The following CLASRP variants were observed in gnomAD, a reference collection of about 807,000 sequenced individuals.
The protein encoded by CLASRP is CLK4-associating serine/arginine rich protein.
Under a neutral mutation model 99.9 loss-of-function variants are expected in CLASRP, and 52 were observed. The observed-to-expected ratio is 0.52, with a 90% CI of 0.42 to 0.66. The LOEUF is 0.66. Ranked by LOEUF, CLASRP falls within the 30% of genes least tolerant of loss-of-function variation. The probability of loss-of-function intolerance (pLI) is 0.00; values close to 1 mark genes in which losing one functional copy is unlikely to be tolerated. For synonymous variants in CLASRP, 379 were observed against 373.0 expected (o/e 1.02, Z -0.18); for missense variants, 848 against 999.2 (o/e 0.85, Z 2.04).
In CLASRP at chr19:45,064,623, A is replaced by C. The variant is rs546798619; in HGVS notation, c.1402A>C (p.Arg468=). ...GCGTGGTGGTTACGGGCCCCGGCGC[A>C]GAAGCAGGTGTGTGTGGCTGGGCGT... ...ARRGGYGPRR[R]SRSRSHSGDR... Residue 468 remains arginine (R), a synonymous_variant, in exon 13 of 21, where the codon AGA becomes CGA. Transcript: ENST00000221455. The C allele has an allele frequency of 8.4e-6, 13 of 1,551,992 alleles. No homozygotes were observed. In the Middle Eastern group the frequency reaches 1.4e-3, roughly 163 times the overall value.
At chr19:45,052,681 G>C (rs945182039) in intron 3 of CLASRP, 110 bp from the exon 4 acceptor site, 1 of 754,610 alleles carries the variant, frequency 1.3e-6, no homozygotes. Flanking sequence ...GGGGACCAAA[G>C]CAGGCTGAGG....
chr19:45,040,437 A>G, intron 2 of CLASRP, 126 bp downstream of exon 2: 1 of 632,154 alleles, frequency 1.6e-6, no homozygotes, highest in South Asian at 1.8e-5. Context: ...GAGTATATTC[A>G]TTAATCTTTT....
Position 45,060,261 on chromosome 19 carries a change from G to T in CLASRP, c.711-128G>T. 1 of 755,630 alleles carries T rather than the reference G, an allele frequency of 1.3e-6. No individual in the cohort carries two copies. The highest frequency in any genetic ancestry group is 2.7e-5 in the East Asian group (1 of 37,588). 46.8% of individuals were successfully genotyped at this position (755,630 alleles called of 1,614,324 possible). A position where few individuals can be genotyped will look rare whatever the true frequency, so the allele number is the denominator to read the frequency against. ...CAGAGGGTGCTTGATAAGTGGCATT[G>T]AATGAAAGATACCTCAGGCTGGCGT... On this transcript the variant is annotated intron_variant, in intron 8 of 20. Coordinates refer to ENST00000221455, the MANE Select transcript of CLASRP (RefSeq NM_007056.3). The surrounding 1 kb of genome is among the most constrained non-coding windows in gnomAD (Gnocchi z 4.6).
Position 45,067,705 on chromosome 19 carries a change from G to T in CLASRP, c.1667+111G>T, listed in dbSNP as rs1967125356. The T allele has an allele frequency of 2.0e-5, 21 of 1,046,572 alleles. No individual in the cohort carries two copies. Among genetic ancestry groups the T allele is most frequent in the Non-Finnish European group, 2.9e-5 (21 of 730,270 alleles). The allele number at this position is 1,046,572 out of a possible 1,614,324, so 64.8% of individuals were successfully genotyped here. On this transcript the variant is annotated intron_variant, in intron 14 of 20. Coordinates refer to ENST00000221455, the MANE Select transcript of CLASRP (RefSeq NM_007056.3). The surrounding 1 kb of genome is among the most constrained non-coding windows in gnomAD (Gnocchi z 4.9). ...AGCCCTACCCTGGGAGGTCTGGGGG[G>T]TGGTGTATGGCCCTGGCCTGGGAGG...
intron 2 of CLASRP, among the ~76,000 whole-genome samples, chr19:45,048,263 G>A (rs917222843): frequency 2.0e-4 from 30 of 151,562 alleles, no homozygotes; most frequent in African/African-American, 7.0e-4. Context: ...CCTGCTGGGC[G>A]TGGTGGCTCA....
At chr19:45,052,541 G>A (rs929630725) in intron 3 of CLASRP, among the ~76,000 whole-genome samples, 2 of 152,102 alleles carry the variant, frequency 1.3e-5, no homozygotes, top group Non-Finnish European at 2.9e-5. Flanking sequence ...TGTGAGAAAT[G>A]GGGCCCTGGT....
chr19:45,069,827 G>A, intron 18 of CLASRP, 195 bp from the exon 19 acceptor site: 1 of 572,854 alleles, frequency 1.7e-6, no homozygotes. Flanking sequence ...TCCTAGGAAG[G>A]GGCTGGGATT....
At position 45,044,771 on chromosome 19, in the gene CLASRP, A is replaced by G. The variant is rs770408065; in HGVS notation, c.99+4460A>G. 4.6e-5 allele frequency among the ~76,000 whole-genome samples: 7 copies of G among 152,164 alleles called. No homozygotes were observed. The South Asian group carries it at 1.5e-3, about 32-fold the overall frequency. ...AGTGAGACCCTGTCTCAAAAAAGAA[A>G]GGTGAGGTGACTTGCCCAAGGCAAC... On this transcript the variant is annotated intron_variant, in intron 2 of 20. Coordinates refer to ENST00000221455, the MANE Select transcript of CLASRP (RefSeq NM_007056.3).
At chr19:45,055,494 C>T (rs976373552) in intron 5 of CLASRP, among the ~76,000 whole-genome samples, 2 of 152,198 alleles carry the variant, frequency 1.3e-5, no homozygotes, top group African/African-American at 4.8e-5. Context: ...GGCCGTGCTA[C>T]ATCCCCTTCT....
chr19:45,058,619 T>C (rs908120980), intron 7 of CLASRP, among the ~76,000 whole-genome samples: 2 of 152,072 alleles, frequency 1.3e-5, no homozygotes, highest in African/African-American at 4.8e-5. Flanking sequence ...ACTCCTGACC[T>C]CGTGATCCAC....
At chr19:45,056,597 C>A in intron 6 of CLASRP, 63 bp downstream of exon 6, 1 of 1,337,166 alleles carries the variant, frequency 7.5e-7, no homozygotes, top group Non-Finnish European at 1.1e-6. Flanking sequence ...CCCAGCCAGG[C>A]ATGGCCTCTT....
Position 45,064,541 on chromosome 19 carries a change from G to A in CLASRP, c.1320G>A (p.Arg440=), listed in dbSNP as rs753997790. ...RRYSRSRSRG[R]RHSGGGSRDG... is the part of the protein sequence containing the mutation. Reference sequence around the variant, plus strand: ...ATTCCCGGTCCCGTAGCCGTGGCCGGCGGCACTCAGGTGGGGGCTCCCGAG... The same window carrying A: ...ATTCCCGGTCCCGTAGCCGTGGCCGACGGCACTCAGGTGGGGGCTCCCGAG... Residue 440 remains arginine (R), a synonymous_variant, in exon 13 of 21, where the codon CGG becomes CGA. Transcript: ENST00000221455. 7.2e-6 allele frequency: 11 copies of A among 1,538,118 alleles called. No individual in the cohort carries two copies. The South Asian group carries it at 1.2e-4, about 17-fold the overall frequency.
chr19:45,061,584 T>G (rs1966940038), intron 10 of CLASRP, among the ~76,000 whole-genome samples: 1 of 152,038 alleles, frequency 6.6e-6, no homozygotes, highest in African/African-American at 2.4e-5. Flanking sequence ...TCCTCCTACC[T>G]CAGTCTCCTT....
chr19:45,053,605 A>C (rs2122559380), intron 5 of CLASRP, among the ~76,000 whole-genome samples: 1 of 151,988 alleles, frequency 6.6e-6, no homozygotes, highest in South Asian at 2.1e-4. Context: ...CAGCCTCCTG[A>C]GTAGCTGGGA....
intron 13 of CLASRP, among the ~76,000 whole-genome samples, chr19:45,066,211 C>G (rs180980658): frequency 6.6e-6 from 1 of 152,110 alleles, no homozygotes; most frequent in East Asian, 2.0e-4. Context: ...CCTCCTCCTC[C>G]TGGGTTCAAG....
At chr19:45,043,005 G>GT (rs1482971622) in intron 2 of CLASRP, among the ~76,000 whole-genome samples, 4 of 152,038 alleles carry the variant, frequency 2.6e-5, no homozygotes, top group Non-Finnish European at 5.9e-5. Context: ...CACAAACTTT[G>GT]TTTCATGCAC....
intron 2 of CLASRP, chr19:45,047,433 A>AC (rs1491417270): frequency 7.0e-6 from 1 of 142,924 alleles, no homozygotes; most frequent in Non-Finnish European, 1.5e-5. Context: ...AAAAAAAAAC[A>AC]GAGAGAGAGA....
At chr19:45,043,303 T>C (rs1971850386) in intron 2 of CLASRP, among the ~76,000 whole-genome samples, 1 of 145,748 alleles carries the variant, frequency 6.9e-6, no homozygotes, top group Non-Finnish European at 1.5e-5. Flanking sequence ...TCCCAGCTAC[T>C]CGGGAGGCTG....
Position 45,067,239 on chromosome 19 carries a change from C to A in CLASRP, c.1410-98C>A. 7.5e-7 allele frequency: 1 copy of A among 1,329,190 alleles called. No individual in the cohort carries two copies. The highest frequency in any genetic ancestry group is 1.0e-6 in the Non-Finnish European group (1 of 1,004,360). The allele number at this position is 1,329,190 out of a possible 1,614,324, so 82.3% of individuals were successfully genotyped here. A position where few individuals can be genotyped will look rare whatever the true frequency, so the allele number is the denominator to read the frequency against. Reference sequence around the variant, plus strand: ...GGAGAGTCGAGCCTGTCACCCTGGGCCTTGCAGGAAGGAGGACTGTGGATC... The same window carrying A: ...GGAGAGTCGAGCCTGTCACCCTGGGACTTGCAGGAAGGAGGACTGTGGATC... On this transcript the variant is annotated intron_variant, in intron 13 of 20. Coordinates refer to ENST00000221455, the MANE Select transcript of CLASRP (RefSeq NM_007056.3). This position sits in a 1 kb window ranked among gnomAD's most constrained non-coding sequence, Gnocchi z 4.9.
Sources: gnomAD v4.1 joint callset for allele counts (sites outside exome capture counted in the v4.1 genomes callset) on GRCh38, gnomAD v4.1.1 for gene constraint, Gnocchi (gnomAD v3.1) non-coding constraint, MANE v1.5 for transcripts, NCBI Gene and HGNC (gene_info 2026-07-23, HGNC 2026-07-21) for gene names.